PRKCA: variants seen among roughly 807,000 people sequenced by gnomAD.
PRKCA encodes protein kinase C alpha.
PRKCA carries 27 observed loss-of-function variants against 87.0 expected under a neutral mutation model. The ratio of observed to expected loss-of-function variants is 0.31; its 90% CI spans 0.23 to 0.43. The LOEUF (loss-of-function observed/expected upper bound fraction) is 0.43, where lower values mean the gene tolerates loss of function less well. Among genes scored for constraint, PRKCA ranks in the 20% least tolerant of loss-of-function variants. The probability of loss-of-function intolerance (pLI) is 1.00; values close to 1 mark genes in which losing one functional copy is unlikely to be tolerated. For synonymous variants in PRKCA, 329 were observed against 311.1 expected (o/e 1.06, Z -0.61); for missense variants, 518 against 852.3 (o/e 0.61, Z 4.88).
intron 2 of PRKCA, among the ~76,000 whole-genome samples, chr17:66,414,270 G>C (rs1022051448): frequency 1.3e-5 from 2 of 152,178 alleles, no homozygotes; most frequent in Admixed American, 6.5e-5. Context: ...CCATCACCTT[G>C]GTGCTGTGAG....
intron 2 of PRKCA, among the ~76,000 whole-genome samples, chr17:66,346,143 G>C (rs975264588): frequency 2.7e-5 from 4 of 150,588 alleles, no homozygotes; most frequent in Non-Finnish European, 5.9e-5. Context: ...ACTCAAGCTG[G>C]AGTGCGCACG....
chr17:66,635,010 A>G (rs1246487979), intron 3 of PRKCA, among the ~76,000 whole-genome samples: 1 of 152,222 alleles, frequency 6.6e-6, no homozygotes, highest in East Asian at 1.9e-4. Context: ...GATGAAGGAG[A>G]GAAATTGTAA....
At chr17:66,678,753 T>C (rs1972406712) in intron 5 of PRKCA, among the ~76,000 whole-genome samples, 1 of 152,066 alleles carries the variant, frequency 6.6e-6, no homozygotes, top group African/African-American at 2.4e-5. Context: ...TGTAGGGAAA[T>C]GAACACTGTT....
At chr17:66,773,888 T>C in intron 13 of PRKCA, 99 bp from the exon 14 acceptor site, 1 of 1,565,002 alleles carries the variant, frequency 6.4e-7, no homozygotes, top group Non-Finnish European at 8.7e-7. Flanking sequence ...CTCATCTGCA[T>C]GAACTGAGTG....
chr17:66,459,821 T>A (rs1297524754), intron 2 of PRKCA, among the ~76,000 whole-genome samples: 1 of 152,222 alleles, frequency 6.6e-6, no homozygotes. Flanking sequence ...CTGATCTTTT[T>A]ACTTTTATTT....
At chr17:66,538,772 A>C (rs1967877361) in intron 3 of PRKCA, among the ~76,000 whole-genome samples, 1 of 152,180 alleles carries the variant, frequency 6.6e-6, no homozygotes, top group South Asian at 2.1e-4. Flanking sequence ...CATAGGTTGG[A>C]ATGAGTACCG....
chr17:66,553,860 T>C (rs908632150), intron 3 of PRKCA, among the ~76,000 whole-genome samples: 1 of 152,150 alleles, frequency 6.6e-6, no homozygotes, highest in African/African-American at 2.4e-5. Context: ...TGCCATCTCA[T>C]TGTTCAGGAG....
chr17:66,562,294 TAGG>T (rs1968735775), intron 3 of PRKCA, among the ~76,000 whole-genome samples: 1 of 150,072 alleles, frequency 6.7e-6, no homozygotes, highest in Non-Finnish European at 1.5e-5. Flanking sequence ...GAGGTATCTG[TAGG>T]AGCTCTCTGC....
At chr17:66,449,489 G>A (rs921852778) in intron 2 of PRKCA, among the ~76,000 whole-genome samples, 8 of 151,922 alleles carry the variant, frequency 5.3e-5, no homozygotes, top group South Asian at 2.1e-4. Context: ...ATTGAACCTC[G>A]CTGCCCAACC....
At chr17:66,772,402 A>T (rs770201516) in intron 13 of PRKCA, among the ~76,000 whole-genome samples, 2 of 152,176 alleles carry the variant, frequency 1.3e-5, no homozygotes, top group African/African-American at 2.4e-5. Context: ...CTCATCCTAC[A>T]TGCAGAAATA....
chr17:66,377,644 TATA>T (rs1288205338), intron 2 of PRKCA, among the ~76,000 whole-genome samples: 4 of 145,124 alleles, frequency 2.8e-5, no homozygotes, highest in South Asian at 2.1e-4. Context: ...ATATTATATA[TATA>T]ATGTCTATAT....
intron 13 of PRKCA, among the ~76,000 whole-genome samples, chr17:66,745,164 G>A (rs1413377064): frequency 1.3e-5 from 2 of 152,198 alleles, no homozygotes; most frequent in Non-Finnish European, 2.9e-5. Context: ...TATCACACTT[G>A]TTATATGTTG....
chr17:66,608,977 T>G (rs1488109376), intron 3 of PRKCA, among the ~76,000 whole-genome samples: 1 of 152,070 alleles, frequency 6.6e-6, no homozygotes, highest in Non-Finnish European at 1.5e-5. Context: ...CCTTAACAGG[T>G]GAGAACAGGA....
chr17:66,633,179 G>A (rs1181193232), intron 3 of PRKCA, among the ~76,000 whole-genome samples: 2 of 152,132 alleles, frequency 1.3e-5, no homozygotes, highest in African/African-American at 4.8e-5. Flanking sequence ...CTGAGTACAT[G>A]ATACACAATG....
chr17:66,337,588 G>A (rs565259811), intron 2 of PRKCA, among the ~76,000 whole-genome samples: 3 of 151,578 alleles, frequency 2.0e-5, no homozygotes, highest in Non-Finnish European at 4.4e-5. Flanking sequence ...GTTTCACTAC[G>A]TTTCCCAGGC....
intron 3 of PRKCA, among the ~76,000 whole-genome samples, chr17:66,567,403 G>A (rs1323533809): frequency 7.9e-5 from 12 of 152,238 alleles, no homozygotes; most frequent in African/African-American, 2.4e-4. Context: ...CCTGCTGGCA[G>A]ATTGTTGCTA....
chr17:66,567,438 G>T (rs1376380820), intron 3 of PRKCA, among the ~76,000 whole-genome samples: 1 of 152,134 alleles, frequency 6.6e-6, no homozygotes, highest in African/African-American at 2.4e-5. Flanking sequence ...ATGAAGCAGG[G>T]CAATAAGGCC....
chr17:66,646,051 C>T (rs574285982), intron 5 of PRKCA, among the ~76,000 whole-genome samples: 1 of 152,204 alleles, frequency 6.6e-6, no homozygotes, highest in Non-Finnish European at 1.5e-5. Context: ...TTATTAGCCT[C>T]GTTTTCCAGA....
rs146288874 is a variant in PRKCA, at chr17:66,406,544, C to T, written c.206-89657C>T. Among the ~76,000 whole-genome samples the T allele has an allele frequency of 4.3e-4, 58 of 135,828 alleles. No individual in the cohort carries two copies. In the East Asian group the frequency reaches 5.4e-3, roughly 13 times the overall value. The allele number at this position is 135,828 out of a possible 152,430, so 89.1% of individuals were successfully genotyped here. A position where few individuals can be genotyped will look rare whatever the true frequency, so the allele number is the denominator to read the frequency against. ...CAAGAGTCTATGGCAGGGCAGAAAA[C>T]GCTGCCCAGGCAGCTTCATGTAGCA... On this transcript the variant is annotated intron_variant, in intron 2 of 16. Coordinates refer to ENST00000413366, the MANE Select transcript of PRKCA (RefSeq NM_002737.3).
Sources: gnomAD v4.1 joint callset for allele counts (sites outside exome capture counted in the v4.1 genomes callset) on GRCh38, gnomAD v4.1.1 for gene constraint, MANE v1.5 for transcripts, NCBI Gene and HGNC (gene_info 2026-07-23, HGNC 2026-07-21) for gene names.